The following WHR1 variants were observed in gnomAD, a reference collection of about 807,000 sequenced individuals.
The protein encoded by WHR1 is winged helix repair factor 1, also known as MHC class III HLA-RP1.
the WHR1 span, among the ~76,000 whole-genome samples, chr6:31,976,327 C>G: frequency 1.3e-4 from 20 of 150,960 alleles, no homozygotes; most frequent in East Asian, 3.8e-3. Context: ...ACTTCTCAGA[C>G]GGGGCGGCTG....
the WHR1 span, chr6:31,978,755 T>G: frequency 1.5e-6 from 1 of 657,986 alleles, no homozygotes; most frequent in East Asian, 2.8e-5. Flanking sequence ...GGTCATTTGC[T>G]TGATTATTTT....
At chr6:31,971,489 C>A in the WHR1 span, 1 of 1,614,154 alleles carries the variant, frequency 6.2e-7, no homozygotes, top group Non-Finnish European at 8.5e-7. The surrounding 1 kb of genome is among the most constrained non-coding windows in gnomAD (Gnocchi z 4.5). Context: ...GCTCGGGCAT[C>A]TCCATGGTAC....
the WHR1 span, among the ~76,000 whole-genome samples, chr6:31,976,542 C>T: frequency 2.0e-5 from 3 of 151,846 alleles, no homozygotes; most frequent in East Asian, 1.9e-4. Flanking sequence ...CGGGCAGAGA[C>T]ACTCCTCACT....
chr6:31,977,948 C>T, the WHR1 span, among the ~76,000 whole-genome samples: 30 of 152,088 alleles, frequency 2.0e-4, no homozygotes, highest in Admixed American at 3.3e-4. Flanking sequence ...TCACCACGCC[C>T]GGCTAATTTT....
chr6:31,971,345 G>C, the WHR1 span: 1 of 1,546,976 alleles, frequency 6.5e-7, no homozygotes, highest in Non-Finnish European at 8.7e-7. This position sits in a 1 kb window ranked among gnomAD's most constrained non-coding sequence, Gnocchi z 4.5. Context: ...CGGTGTTCCA[G>C]GAGCCAGCAC....
chr6:31,972,479 C>T, the WHR1 span: 2 of 1,612,672 alleles, frequency 1.2e-6, no homozygotes, highest in Non-Finnish European at 1.7e-6. The surrounding 1 kb of genome is among the most constrained non-coding windows in gnomAD (Gnocchi z 6.3). Context: ...AAGCGAGGGC[C>T]TGTGGAGTCG....
the WHR1 span, chr6:31,978,872 C>T: frequency 1.2e-6 from 2 of 1,606,790 alleles, no homozygotes; most frequent in Non-Finnish European, 1.7e-6. Context: ...CCCTGATACG[C>T]CTCTTTTCAC....
chr6:31,978,848 A>G, the WHR1 span: 1 of 1,561,152 alleles, frequency 6.4e-7, no homozygotes, highest in Non-Finnish European at 8.8e-7. Flanking sequence ...CCCAGAGTAT[A>G]GCAGAGCATC....
chr6:31,979,410 G>C, the WHR1 span: 5 of 1,612,904 alleles, frequency 3.1e-6, no homozygotes, highest in East Asian at 1.1e-4. Context: ...ATCTCTGCTT[G>C]TAGGTCCTCA....
chr6:31,980,113 A>G, the WHR1 span: 1,687 of 320,214 alleles, frequency 5.3e-3, 23 homozygotes, highest in African/African-American at 0.027. Flanking sequence ...CAGTGGCAGG[A>G]GCGCAGAAGA....
the WHR1 span, chr6:31,981,368 G>A: frequency 1.3e-4 from 2 of 15,712 alleles, no homozygotes; most frequent in Admixed American, 3.1e-4. Context: ...GGATTTCTGG[G>A]GAGGCTGGTG....
the WHR1 span, among the ~76,000 whole-genome samples, chr6:31,974,279 CAA>C: frequency 0.059 from 7,039 of 118,492 alleles, 190 homozygotes; most frequent in East Asian, 0.18. Context: ...GACTTTGTCT[CAA>C]AAAAAAAAAA....
the WHR1 span, among the ~76,000 whole-genome samples, chr6:31,973,582 C>T: frequency 7.9e-5 from 12 of 152,098 alleles, no homozygotes; most frequent in African/African-American, 2.4e-4. Context: ...CAGAAAAATG[C>T]ACGTTTGCCA....
chr6:31,978,130 G>A, the WHR1 span, among the ~76,000 whole-genome samples: 6 of 152,288 alleles, frequency 3.9e-5, no homozygotes, highest in East Asian at 1.2e-3. Flanking sequence ...TATCCTGTGA[G>A]CTCTTTAGTG....
the WHR1 span, chr6:31,972,460 A>AGGC: frequency 4.3e-6 from 7 of 1,613,008 alleles, no homozygotes; most frequent in Non-Finnish European, 5.9e-6. The surrounding 1 kb of genome is among the most constrained non-coding windows in gnomAD (Gnocchi z 6.3). Flanking sequence ...TGGAGTTAAG[A>AGGC]GGCGGCGGAA....
the WHR1 span, chr6:31,980,478 C>T: frequency 3.5e-5 from 56 of 1,613,110 alleles, 1 homozygote; most frequent in Admixed American, 1.7e-4. Context: ...GAGTCCTCAC[C>T]GTCCGAGATG....
the WHR1 span, among the ~76,000 whole-genome samples, chr6:31,974,157 G>A: frequency 3.9e-5 from 6 of 151,916 alleles, no homozygotes; most frequent in Non-Finnish European, 7.4e-5. Context: ...GGTGGTACGC[G>A]CCTATAGAGC....
chr6:31,976,270 C>G, the WHR1 span, among the ~76,000 whole-genome samples: 3 of 150,670 alleles, frequency 2.0e-5, no homozygotes, highest in African/African-American at 7.3e-5. Flanking sequence ...GGCTGACCCC[C>G]CCACCTCCCT....
chr6:31,980,644 TCTC>T, the WHR1 span: 228,935 of 1,588,826 alleles, frequency 0.14, 19,900 homozygotes, highest in African/African-American at 0.35. Flanking sequence ...CTGTGCCACT[TCTC>T]CTCTAGGGCG....
Sources: allele counts gnomAD v4.1 joint callset (sites outside exome capture counted in the v4.1 genomes callset), GRCh38; gene constraint gnomAD v4.1.1; non-coding constraint Gnocchi (gnomAD v3.1); transcripts MANE v1.5; gene names NCBI Gene and HGNC (gene_info 2026-07-23, HGNC 2026-07-21).